Variants in ST3GAL4 observed in about 807,000 individuals in gnomAD.
ST3GAL4 encodes the protein ST3 beta-galactoside alpha-2,3-sialyltransferase 4.
Under a neutral mutation model 42.6 loss-of-function variants are expected in ST3GAL4, and 24 were observed. That is an observed-to-expected ratio of 0.56 (90% CI 0.41 to 0.79). The LOEUF (loss-of-function observed/expected upper bound fraction) is 0.79, where lower values mean the gene tolerates loss of function less well. ST3GAL4 is among the 30% of genes least tolerant of loss of function. The probability of loss-of-function intolerance (pLI) is 0.00; values close to 1 mark genes in which losing one functional copy is unlikely to be tolerated. For missense variants in ST3GAL4, 311 were observed against 430.8 expected (o/e 0.72, Z 2.46); for synonymous variants, 135 against 163.2 (o/e 0.83, Z 1.32).
intron 1 of ST3GAL4, among the ~76,000 whole-genome samples, chr11:126,368,571 C>T (rs1952522071): frequency 6.6e-6 from 1 of 152,170 alleles, no homozygotes; most frequent in South Asian, 2.1e-4. Context: ...ACAGGTTAGT[C>T]CTGTGGGTGA....
Position 126,406,580 on chromosome 11 carries a change from T to G in ST3GAL4, c.101+23T>G, listed in dbSNP as rs1458849914. On this transcript the variant is annotated intron_variant, in intron 3 of 10. Transcript: ENST00000444328. The surrounding 1 kb of genome is among the most constrained non-coding windows in gnomAD (Gnocchi z 5.4). ...GCTGTGAGTTCACCTTCCATGTCCT[T>G]CCAGTGGCTCTTGTCAGGGACAGGG... is the stretch of plus-strand genomic sequence containing the variant. 1.2e-6 allele frequency: 2 copies of G among 1,614,084 alleles called. No homozygotes were observed. The highest frequency in any genetic ancestry group is 2.2e-5 in the East Asian group (1 of 44,880).
chr11:126,400,023 C>T lies in ST3GAL4; in HGVS notation c.-60-6073C>T, dbSNP rs1436076462. On this transcript the variant is annotated intron_variant, in intron 1 of 10. Transcript: ENST00000444328. The surrounding 1 kb of genome is among the most constrained non-coding windows in gnomAD (Gnocchi z 4.6). ...CCCTCCCTTCCTTCTTTCCTCTCTG[C>T]TCTCTCTCTCTTTTCTTCCTTTCCC... 1.3e-5 allele frequency among the ~76,000 whole-genome samples: 2 copies of T among 151,960 alleles called. No homozygotes were observed. Among genetic ancestry groups the T allele is most frequent in the African/African-American group, 4.8e-5 (2 of 41,374 alleles).
At chr11:126,380,239 G>A (rs577663966) in intron 1 of ST3GAL4, among the ~76,000 whole-genome samples, 12 of 151,482 alleles carry the variant, frequency 7.9e-5, no homozygotes, top group Admixed American at 3.3e-4. Context: ...TCCAGCCTGG[G>A]TGACACAGCG....
chr11:126,380,431 A>G (rs1952953488), intron 1 of ST3GAL4, among the ~76,000 whole-genome samples: 1 of 152,146 alleles, frequency 6.6e-6, no homozygotes, highest in Admixed American at 6.5e-5. Context: ...GGATAAATGA[A>G]GTTCTGTTAT....
intron 1 of ST3GAL4, among the ~76,000 whole-genome samples, chr11:126,358,210 G>A (rs1952134669): frequency 6.6e-6 from 1 of 152,250 alleles, no homozygotes; most frequent in African/African-American, 2.4e-5. Flanking sequence ...CAGTCGCACT[G>A]GGCCGGCTGG....
chr11:126,401,563 A>C (rs1281007848), intron 1 of ST3GAL4, among the ~76,000 whole-genome samples: 1 of 151,192 alleles, frequency 6.6e-6, no homozygotes, highest in Non-Finnish European at 1.5e-5. Flanking sequence ...CTCAGAAAAA[A>C]AAAAAGAAGA....
At chr11:126,371,776 C>CG (rs1952659482) in intron 1 of ST3GAL4, among the ~76,000 whole-genome samples, 1 of 152,198 alleles carries the variant, frequency 6.6e-6, no homozygotes, top group African/African-American at 2.4e-5. Flanking sequence ...GAGGGTTACT[C>CG]GGGGCTGTGC....
rs548763003 is a variant in ST3GAL4, at chr11:126,386,592, C to T, written c.-60-19504C>T. On this transcript the variant is annotated intron_variant, in intron 1 of 10. Transcript: ENST00000444328. This position sits in a 1 kb window ranked among gnomAD's most constrained non-coding sequence, Gnocchi z 4.7. ...TTTAGAGAGGGCTGGCCAGCTGTGC[C>T]GGAATTAGGAAGTGGGTACAGCTGG... Among the ~76,000 whole-genome samples, 6 of 152,172 alleles carry T rather than the reference C, an allele frequency of 3.9e-5. No homozygotes were observed. The highest frequency in any genetic ancestry group is 3.9e-4 in the East Asian group (2 of 5,142).
intron 1 of ST3GAL4, among the ~76,000 whole-genome samples, chr11:126,361,309 T>C (rs1413996312): frequency 2.0e-5 from 3 of 151,948 alleles, no homozygotes; most frequent in East Asian, 1.9e-4. Flanking sequence ...CTTGTACATA[T>C]TGCGTTTCCA....
chr11:126,366,301 C>T lies in ST3GAL4; in HGVS notation c.-61+10459C>T, dbSNP rs1001130396. Reference sequence around the variant, plus strand: ...CCTGAGGAATGGAGGAAGAGAGTGCCCTGGCTGGGGGAGCCCCTCAAGCCC... The same window carrying T: ...CCTGAGGAATGGAGGAAGAGAGTGCTCTGGCTGGGGGAGCCCCTCAAGCCC... On this transcript the variant is annotated intron_variant, in intron 1 of 10. Coordinates refer to ENST00000444328, the MANE Select transcript of ST3GAL4 (RefSeq NM_001254757.2). This position sits in a 1 kb window ranked among gnomAD's most constrained non-coding sequence, Gnocchi z 4.2. Among the ~76,000 whole-genome samples the T allele has an allele frequency of 1.3e-5, 2 of 152,158 alleles. No individual in the cohort carries two copies. The highest frequency in any genetic ancestry group is 4.8e-5 in the African/African-American group (2 of 41,430).
At chr11:126,380,301 C>T (rs1269677716) in intron 1 of ST3GAL4, among the ~76,000 whole-genome samples, 1 of 151,446 alleles carries the variant, frequency 6.6e-6, no homozygotes, top group African/African-American at 2.4e-5. Context: ...TTCCAGGTCA[C>T]GTAAGGTGGG....
chr11:126,378,355 A>G lies in ST3GAL4; in HGVS notation c.-61+22513A>G, dbSNP rs1952893046. ...TGGTTTCAATTGGAGTAGGAACAAA[A>G]AACATTTCTATGAATTTGATAAAAT... is the stretch of plus-strand genomic sequence containing the variant. On this transcript the variant is annotated intron_variant, in intron 1 of 10. Transcript: ENST00000444328. The surrounding 1 kb of genome is among the most constrained non-coding windows in gnomAD (Gnocchi z 5.3). Among the ~76,000 whole-genome samples the G allele has an allele frequency of 6.6e-6, 1 of 152,194 alleles. No homozygotes were observed. The highest frequency in any genetic ancestry group is 1.5e-5 in the Non-Finnish European group (1 of 68,036).
chr11:126,385,294 A>G (rs939308979), intron 1 of ST3GAL4, among the ~76,000 whole-genome samples: 11 of 151,534 alleles, frequency 7.3e-5, no homozygotes, highest in African/African-American at 2.7e-4. Context: ...AGGGGACTAC[A>G]GGCGCCCACC....
At chr11:126,395,041 G>A (rs553033931) in intron 1 of ST3GAL4, among the ~76,000 whole-genome samples, 3 of 152,058 alleles carry the variant, frequency 2.0e-5, no homozygotes, top group Admixed American at 1.3e-4. Context: ...AAGCCTCCCC[G>A]TGCCCAGGCG....
At chr11:126,402,961 G>T (rs912022836) in intron 1 of ST3GAL4, among the ~76,000 whole-genome samples, 2 of 152,214 alleles carry the variant, frequency 1.3e-5, no homozygotes, top group African/African-American at 4.8e-5. Flanking sequence ...CCTTGGACAT[G>T]AGTGGATTCG....
rs1952180862 is a variant in ST3GAL4, at chr11:126,359,695, C to T, written c.-61+3853C>T. 6.6e-6 allele frequency among the ~76,000 whole-genome samples: 1 copy of T among 151,616 alleles called. No individual in the cohort carries two copies. Among genetic ancestry groups the T allele is most frequent in the South Asian group, 2.1e-4 (1 of 4,830 alleles). On this transcript the variant is annotated intron_variant, in intron 1 of 10. Coordinates refer to ENST00000444328, the MANE Select transcript of ST3GAL4 (RefSeq NM_001254757.2). This position sits in a 1 kb window ranked among gnomAD's most constrained non-coding sequence, Gnocchi z 4.8. Reference sequence around the variant, plus strand: ...AGCACACGCTTGTCCGCTTTCTCAGCTGGGCGGGGCGGGGCAGGACAAGGT... The same window carrying T: ...AGCACACGCTTGTCCGCTTTCTCAGTTGGGCGGGGCGGGGCAGGACAAGGT...
At chr11:126,380,001 C>T (rs775174820) in intron 1 of ST3GAL4, among the ~76,000 whole-genome samples, 1 of 152,070 alleles carries the variant, frequency 6.6e-6, no homozygotes, top group Non-Finnish European at 1.5e-5. Flanking sequence ...GTGACTTGCG[C>T]CTGTAATGGT....
intron 1 of ST3GAL4, among the ~76,000 whole-genome samples, chr11:126,401,695 C>G (rs1363536297): frequency 6.6e-6 from 1 of 152,144 alleles, no homozygotes; most frequent in Non-Finnish European, 1.5e-5. Flanking sequence ...CCAACAACAT[C>G]AAAGGCCTCT....
intron 1 of ST3GAL4, among the ~76,000 whole-genome samples, chr11:126,402,696 A>C (rs1954059514): frequency 6.6e-6 from 1 of 152,128 alleles, no homozygotes; most frequent in African/African-American, 2.4e-5. Flanking sequence ...GTACCTGCTG[A>C]GTACTCACTG....
Sources: allele counts gnomAD v4.1 joint callset (sites outside exome capture counted in the v4.1 genomes callset), GRCh38; gene constraint gnomAD v4.1.1; non-coding constraint Gnocchi (gnomAD v3.1); transcripts MANE v1.5; gene names NCBI Gene and HGNC (gene_info 2026-07-23, HGNC 2026-07-21).